The following KDM2B variants were observed in gnomAD, a reference collection of about 807,000 sequenced individuals.
KDM2B encodes lysine demethylase 2B.
Under a neutral mutation model 150.0 loss-of-function variants are expected in KDM2B, and 26 were observed. The ratio of observed to expected loss-of-function variants is 0.17; its 90% CI spans 0.13 to 0.24. The LOEUF (loss-of-function observed/expected upper bound fraction) is 0.24, where lower values mean the gene tolerates loss of function less well. Among genes scored for constraint, KDM2B ranks in the 10% least tolerant of loss-of-function variants. The probability of loss-of-function intolerance (pLI) is 1.00; values close to 1 mark genes in which losing one functional copy is unlikely to be tolerated. For synonymous variants in KDM2B, 734 were observed against 729.5 expected, an observed-to-expected ratio of 1.01 and a Z score of -0.10; for missense variants, 1,265 against 1,816.9, an observed-to-expected ratio of 0.70 and a Z score of 5.52.
At chr12:121,524,828 C>T (rs1319404973) in intron 8 of KDM2B, 6 of 310,470 alleles carry the variant, frequency 1.9e-5, no homozygotes, top group African/African-American at 6.6e-5. Context: ...TCAGGCCAAG[C>T]GACCAGGGAC....
At chr12:121,420,683 G>T in the KDM2B span, 1 of 1,614,034 alleles carries the variant, frequency 6.2e-7, no homozygotes, top group Non-Finnish European at 8.5e-7. Flanking sequence ...ATTCTGGCTC[G>T]GAATTTTGTC....
intron 12 of KDM2B, among the ~76,000 whole-genome samples, chr12:121,462,100 C>T (rs1879191126): frequency 1.3e-5 from 2 of 152,248 alleles, no homozygotes; most frequent in Non-Finnish European, 2.9e-5. Flanking sequence ...ACACGGACAG[C>T]CCCACAAGGG....
intron 1 of KDM2B, 23 bp from the exon 2 acceptor site, chr12:121,578,969 G>C (rs1158716512): frequency 1.9e-6 from 3 of 1,606,946 alleles, no homozygotes; most frequent in Non-Finnish European, 2.5e-6. Flanking sequence ...AAACCAGAGA[G>C]CCCGGGACAT....
intron 8 of KDM2B, 89 bp downstream of exon 8, chr12:121,532,717 C>T: frequency 7.1e-7 from 1 of 1,414,044 alleles, no homozygotes; most frequent in African/African-American, 1.4e-5. Flanking sequence ...TCAAACCCAC[C>T]AGGCCCAGAG....
chr12:121,541,475 A>G (rs1437656616), intron 6 of KDM2B, among the ~76,000 whole-genome samples: 1 of 151,112 alleles, frequency 6.6e-6, no homozygotes, highest in Non-Finnish European at 1.5e-5. Context: ...AATTTTATTT[A>G]TCAAGCAGAA....
intron 12 of KDM2B, among the ~76,000 whole-genome samples, chr12:121,475,182 CTGTGTGTGTGTGTGTG>C (rs60083867): frequency 2.6e-3 from 363 of 139,770 alleles, no homozygotes; most frequent in South Asian, 0.014. Context: ...ACACATGACT[CTGTGTGTGTGTGTGTG>C]TGTGTGTGTG....
intron 1 of KDM2B, chr12:121,579,961 GATCT>G: frequency 1.2e-6 from 1 of 813,626 alleles, no homozygotes; most frequent in Non-Finnish European, 1.6e-6. Context: ...AAAAAAAAAA[GATCT>G]ATCATATGCC....
rs1345258395 is a variant in KDM2B, at chr12:121,467,311, C to T, written c.1735-13967G>A. On this transcript the variant is annotated intron_variant, in intron 12 of 22. Transcript: ENST00000377071. The surrounding 1 kb of genome is among the most constrained non-coding windows in gnomAD (Gnocchi z 5.1). ...GGCTCGGCTCGCCCTGGCTCGGGCT[C>T]GGGCTCGGGCTCGGGCTCCCGCTGC... 5.1e-6 allele frequency: 5 copies of T among 982,480 alleles called. No individual in the cohort carries two copies. The highest frequency in any genetic ancestry group is 6.0e-6 in the Non-Finnish European group (5 of 828,902). 60.9% of individuals were successfully genotyped at this position (982,480 alleles called of 1,614,324 possible).
At chr12:121,427,640 CTG>C (rs144801903), downstream of KDM2B, among the ~76,000 whole-genome samples, 227 of 152,316 alleles carry the variant, frequency 1.5e-3, no homozygotes, top group African/African-American at 5.3e-3. Context: ...TTTATGGCCA[CTG>C]TGTTATACAA....
chr12:121,442,902 GC>G lies in KDM2B; in HGVS notation c.2605-67del, dbSNP rs1487515493. On this transcript the variant is annotated intron_variant, in intron 18 of 22. Coordinates refer to ENST00000377071, the MANE Select transcript of KDM2B (RefSeq NM_032590.5). The surrounding 1 kb of genome is among the most constrained non-coding windows in gnomAD (Gnocchi z 7.7). Reference sequence around the variant, plus strand: ...GGGCTGCGCCCGCCCAAGGCCTCCCGCCCCCCTGCCACGGGACTGTGGCCCA... The same window carrying G: ...GGGCTGCGCCCGCCCAAGGCCTCCCGCCCCCTGCCACGGGACTGTGGCCCA... 160 of 1,560,672 alleles carry G rather than the reference GC, an allele frequency of 1.0e-4. 1 individual carries two copies. In the South Asian group the frequency reaches 1.2e-3, roughly 12 times the overall value.
intron 13 of KDM2B, among the ~76,000 whole-genome samples, chr12:121,447,653 A>C (rs578236504): frequency 1.3e-5 from 2 of 151,952 alleles, no homozygotes; most frequent in South Asian, 4.2e-4. Flanking sequence ...TCATAAAAAT[A>C]TGTTATTTCT....
chr12:121,479,729 C>T (rs1270236038), intron 12 of KDM2B, among the ~76,000 whole-genome samples: 2 of 152,040 alleles, frequency 1.3e-5, no homozygotes, highest in African/African-American at 4.8e-5. Context: ...TCAAGCAATT[C>T]TCCTGCCTCA....
chr12:121,412,025 G>C, the KDM2B span, among the ~76,000 whole-genome samples: 1 of 152,090 alleles, frequency 6.6e-6, no homozygotes, highest in Non-Finnish European at 1.5e-5. Flanking sequence ...CTAAAGAACT[G>C]TGGATGAATC....
At chr12:121,420,298 G>C in the KDM2B span, 9 of 1,584,840 alleles carry the variant, frequency 5.7e-6, no homozygotes, top group Non-Finnish European at 6.9e-6. Context: ...ACGATGATGA[G>C]GATGATGATG....
Position 121,549,590 on chromosome 12 carries a change from G to A in KDM2B, c.446C>T (p.Thr149Met), listed in dbSNP as rs35367851. The change falls in exon 5 of 23, where the codon ACG (threonine) becomes ATG (methionine). Residue 149 changes from threonine to methionine, a missense_variant. By Grantham distance (81) the Thr-to-Met change is moderately conservative. This residue lies in a region of KDM2B where 214 missense variants were observed against 447.4 expected (regional missense o/e 0.48). Transcript: ENST00000377071. The surrounding 1 kb of genome is among the most constrained non-coding windows in gnomAD (Gnocchi z 4.4). ...CACAAACTGGGACATGCTCATCTCC[G>A]TGCCCTTCTGGGTGTTCACATCCAT... ...DVMDVNTQKG[T>M]EMSMSQFVRY... The A allele has an allele frequency of 1.4e-4, 223 of 1,611,106 alleles. No individual in the cohort carries two copies. Among genetic ancestry groups the A allele is most frequent in the Middle Eastern group, 8.3e-4 (5 of 6,048 alleles).
intron 4 of KDM2B, among the ~76,000 whole-genome samples, chr12:121,550,562 C>T (rs1032123546): frequency 2.0e-5 from 3 of 152,186 alleles, no homozygotes; most frequent in Non-Finnish European, 2.9e-5. Flanking sequence ...GGCACAATCT[C>T]GGCTCACTGC....
intron 12 of KDM2B, among the ~76,000 whole-genome samples, chr12:121,489,322 T>A (rs1481819435): frequency 2.0e-5 from 3 of 151,976 alleles, no homozygotes; most frequent in Admixed American, 1.3e-4. Flanking sequence ...CAGGCTGGGG[T>A]GCAGTGGAGT....
intron 4 of KDM2B, among the ~76,000 whole-genome samples, chr12:121,553,666 G>A (rs1354384822): frequency 3.3e-5 from 5 of 152,044 alleles, no homozygotes; most frequent in African/African-American, 4.8e-5. Flanking sequence ...TTACCGAGTC[G>A]GTCAGTTTCA....
chr12:121,496,249 A>T (rs901654016), intron 11 of KDM2B, among the ~76,000 whole-genome samples: 1 of 152,096 alleles, frequency 6.6e-6, no homozygotes, highest in Admixed American at 6.6e-5. Context: ...CCACAAAAAA[A>T]TGTGTTTAAG....
Sources: allele counts gnomAD v4.1 joint callset (sites outside exome capture counted in the v4.1 genomes callset), GRCh38; gene constraint gnomAD v4.1.1; regional missense constraint gnomAD v4.1.1; non-coding constraint Gnocchi (gnomAD v3.1); transcripts MANE v1.5; gene names NCBI Gene and HGNC (gene_info 2026-07-23, HGNC 2026-07-21).